The following EPB42 variants were observed in gnomAD, a reference collection of about 807,000 sequenced individuals.
EPB42 encodes protein 4.2.
Under a neutral mutation model 76.9 loss-of-function variants are expected in EPB42, and 49 were observed. The observed-to-expected ratio is 0.64, with a 90% confidence interval of 0.51 to 0.81. EPB42 has a LOEUF of 0.81. Ranked by LOEUF, EPB42 falls within the 30% of genes least tolerant of loss-of-function variation. The probability of loss-of-function intolerance (pLI) is 0.00; values close to 1 mark genes in which losing one functional copy is unlikely to be tolerated. For synonymous variants in EPB42, 310 were observed against 338.4 expected (o/e 0.92, Z 0.92); for missense variants, 731 against 867.6 (o/e 0.84, Z 1.98).
intron 1 of EPB42, 124 bp from the exon 2 acceptor site, chr15:43,216,577 C>A (rs2042383000): frequency 2.0e-6 from 2 of 1,002,338 alleles, no homozygotes; most frequent in African/African-American, 1.6e-5. Context: ...TTTAGCTGCG[C>A]AATCCCAGGC....
rs547722146 is a variant in EPB42 at position 43,209,714 on chromosome 15, T to G, written c.655-263A>C. The stretch of plus-strand genomic sequence containing the variant: ...CAAAGAGGAGCATTAGAGCTGCCCT[T>G]CCTTGGGGGCTGGTTTCACCGGTTC... On this transcript the variant is annotated intron_variant, in intron 5 of 12. Transcript: ENST00000441366. 2.7e-5 allele frequency: 12 copies of G among 449,818 alleles called. No homozygotes were observed. The Admixed American group carries it at 4.3e-4, about 16-fold the overall frequency. 27.9% of individuals were successfully genotyped at this position (449,818 alleles called of 1,614,324 possible).
chr15:43,202,183 C>T (rs956256752), intron 11 of EPB42, among the ~76,000 whole-genome samples: 2 of 152,136 alleles, frequency 1.3e-5, no homozygotes, highest in Non-Finnish European at 1.5e-5. Context: ...TTTCTGATGT[C>T]GCCTCTCCTC....
In EPB42 at chr15:43,208,739, GT is replaced by G; in HGVS notation, c.868del (p.Thr290ProfsTer15). 6.2e-7 allele frequency: 1 copy of G among 1,614,172 alleles called. No homozygotes were observed. Among genetic ancestry groups the G allele is most frequent in the Non-Finnish European group, 8.5e-7 (1 of 1,180,030 alleles). On this transcript the variant is annotated frameshift_variant, in exon 7 of 13. Coordinates refer to ENST00000441366, the MANE Select transcript of EPB42 (RefSeq NM_001114134.2). LOFTEE classifies it high-confidence loss of function. ...GGTGCCCTGTGCTGAGGCAAACGTG[GT>G]CACCACGCGGGCAGGGATTCCCAGG... ...RCLGIPARVV[T>X]TFASAQGTGG...
At chr15:43,205,750 A>G (rs940077139) in intron 10 of EPB42, among the ~76,000 whole-genome samples, 1 of 152,164 alleles carries the variant, frequency 6.6e-6, no homozygotes, top group Non-Finnish European at 1.5e-5. Context: ...TGAGCATCAA[A>G]CTTCCCCCAG....
At chr15:43,222,902 ACTT>A (rs1169063571), upstream of EPB42, among the ~76,000 whole-genome samples, 1 of 152,238 alleles carries the variant, frequency 6.6e-6, no homozygotes, top group African/African-American at 2.4e-5. Context: ...AAAATGAGAC[ACTT>A]CTTCTTAAGT....
intron 2 of EPB42, 138 bp from the exon 3 acceptor site, chr15:43,215,466 G>C (rs2042364251): frequency 1.1e-6 from 1 of 875,330 alleles, no homozygotes; most frequent in Admixed American, 2.0e-5. Flanking sequence ...TAGAAATGAG[G>C]CCCATCAAGA....
chr15:43,218,700 C>T (rs1192123955), intron 1 of EPB42, among the ~76,000 whole-genome samples: 4 of 152,224 alleles, frequency 2.6e-5, no homozygotes, highest in Non-Finnish European at 5.9e-5. Context: ...TTCTCAGATA[C>T]ATCACAGGGG....
At chr15:43,209,705 AG>A (rs2042263267) in intron 5 of EPB42, 1 of 475,322 alleles carries the variant, frequency 2.1e-6, no homozygotes, top group Admixed American at 3.8e-5. Context: ...GGAGCATTAG[AG>A]CTGCCCTTCC....
In EPB42 at chr15:43,206,767, A is replaced by G. The variant is rs1029315796; in HGVS notation, c.1319-138T>C. On this transcript the variant is annotated intron_variant, in intron 9 of 12. Transcript: ENST00000441366. This position sits in a 1 kb window ranked among gnomAD's most constrained non-coding sequence, Gnocchi z 4.7. ...AAGAACTCAGCAAGCCTCTAAGGCC[A>G]TATTTAGCCCAAAAATGTCTGTGTC... 1.9e-6 allele frequency: 2 copies of G among 1,037,444 alleles called. No individual in the cohort carries two copies. Among genetic ancestry groups the G allele is most frequent in the African/African-American group, 3.2e-5 (2 of 62,982 alleles). 64.3% of individuals were successfully genotyped at this position (1,037,444 alleles called of 1,614,324 possible).
At chr15:43,200,023 A>G (rs111377251) in intron 12 of EPB42, among the ~76,000 whole-genome samples, 131 of 152,326 alleles carry the variant, frequency 8.6e-4, no homozygotes, top group African/African-American at 3.1e-3. Flanking sequence ...ACACGAACTA[A>G]TATAAAGAGC....
At chr15:43,208,997 A>G (rs2042249744) in intron 6 of EPB42, among the ~76,000 whole-genome samples, 1 of 152,212 alleles carries the variant, frequency 6.6e-6, no homozygotes, top group African/African-American at 2.4e-5. Flanking sequence ...AAGGCAACAG[A>G]GCATAGAACA....
chr15:43,225,165 T>G (rs537557247), upstream of EPB42, among the ~76,000 whole-genome samples: 204 of 152,344 alleles, frequency 1.3e-3, 1 homozygote, highest in Non-Finnish European at 1.7e-3. Context: ...GTGGGGAGAA[T>G]ATATATGAAT....
chr15:43,209,213 C>T, intron 6 of EPB42, 61 bp downstream of exon 6: 2 of 1,595,310 alleles, frequency 1.3e-6, no homozygotes, highest in Non-Finnish European at 8.6e-7. Flanking sequence ...GTCCTTCCCA[C>T]ATGGGAGGCC....
chr15:43,206,570 T>C lies in EPB42; in HGVS notation c.1378A>G (p.Lys460Glu), dbSNP rs780449851. ...RVEKEKMERE[K>E]DNGIRPPSLE... is the part of the protein sequence containing the mutation. The stretch of plus-strand genomic sequence containing the variant: ...CTGGGAGGACGGATGCCGTTGTCTT[T>C]CTCACGTTCCATTTTCTCTTTCTCG... The change falls in exon 10 of 13, where the codon AAA becomes GAA. Residue 460 changes from lysine (K) to glutamate (E), a missense_variant. By Grantham distance (56) the Lys-to-Glu change is moderately conservative. Transcript: ENST00000441366. The surrounding 1 kb of genome is among the most constrained non-coding windows in gnomAD (Gnocchi z 4.7). The C allele has an allele frequency of 1.8e-5, 29 of 1,614,200 alleles. No homozygotes were observed. Among genetic ancestry groups the C allele is most frequent in the African/African-American group, 4.0e-5 (3 of 75,056 alleles).
At chr15:43,218,965 G>C (rs2042418402) in intron 1 of EPB42, among the ~76,000 whole-genome samples, 3 of 152,186 alleles carry the variant, frequency 2.0e-5, no homozygotes, top group African/African-American at 7.2e-5. Flanking sequence ...CTTCAGAGGT[G>C]CACAATACCC....
At chr15:43,209,251 C>T in intron 6 of EPB42, 23 bp downstream of exon 6, 2 of 1,613,798 alleles carry the variant, frequency 1.2e-6, no homozygotes, top group Non-Finnish European at 1.7e-6. Flanking sequence ...GCAGGGCACT[C>T]TACAGGAGAC....
intron 1 of EPB42, 154 bp downstream of exon 1, chr15:43,220,662 A>ACCCCCC: frequency 3.0e-5 from 8 of 262,890 alleles, no homozygotes; most frequent in South Asian, 1.3e-4. Context: ...CCCCCCCCAC[A>ACCCCCC]GCCACCTCAT....
rs1003005687 is a variant in EPB42, at chr15:43,206,849, C to A, written c.1319-220G>T. On this transcript the variant is annotated intron_variant, in intron 9 of 12. Coordinates refer to ENST00000441366, the MANE Select transcript of EPB42 (RefSeq NM_001114134.2). This position sits in a 1 kb window ranked among gnomAD's most constrained non-coding sequence, Gnocchi z 4.7. ...TTCCAAACCACTCAAGGACCAAGTT[C>A]TTTTTCAAGTGCTATGAATTCTCCC... 6.6e-6 allele frequency among the ~76,000 whole-genome samples: 1 copy of A among 152,076 alleles called. No individual in the cohort carries two copies. The highest frequency in any genetic ancestry group is 6.5e-5 in the Admixed American group (1 of 15,268).
At chr15:43,209,617 A>G in intron 5 of EPB42, 166 bp from the exon 6 acceptor site, 2 of 738,230 alleles carry the variant, frequency 2.7e-6, no homozygotes, top group Admixed American at 2.9e-5. Context: ...GCTCCATCCT[A>G]GGCCCCTGGG....
Sources: gnomAD v4.1 joint callset for allele counts (sites outside exome capture counted in the v4.1 genomes callset) on GRCh38, gnomAD v4.1.1 for gene constraint, Gnocchi (gnomAD v3.1) non-coding constraint, MANE v1.5 for transcripts, NCBI Gene and HGNC (gene_info 2026-07-23, HGNC 2026-07-21) for gene names.